The following KLC1 variants were observed in gnomAD, a reference collection of about 807,000 sequenced individuals.
KLC1 encodes the protein kinesin light chain 1.
A neutral mutation model predicts 84.2 loss-of-function variants in KLC1; 30 were observed. That is an observed-to-expected ratio of 0.36 (90% CI 0.27 to 0.48). The LOEUF is 0.48. KLC1 is among the 20% of genes least tolerant of loss of function. KLC1 has a pLI of 0.99. For synonymous variants in KLC1, 289 were observed against 293.3 expected (o/e 0.99, Z 0.15); for missense variants, 499 against 805.4 (o/e 0.62, Z 4.60).
Position 103,654,544 on chromosome 14 carries a change from TTTTTC to T in KLC1, c.-1-15_-1-11del. 1 of 1,564,808 alleles carries T rather than the reference TTTTTC, an allele frequency of 6.4e-7. No individual in the cohort carries two copies. Among genetic ancestry groups the T allele is most frequent in the Non-Finnish European group, 8.6e-7 (1 of 1,158,414 alleles). ...AACCTGTAATGAGGGATCTAATTTC[TTTTTC>T]TTTTTTCATTCCAGAATGTATGACA... On this transcript the variant is annotated splice_polypyrimidine_tract_variant and intron_variant, in intron 1 of 16. Coordinates refer to ENST00000334553, the MANE Select transcript of KLC1 (RefSeq NM_001394837.1).
At chr14:103,674,451 G>T (rs1185246811) in intron 9 of KLC1, among the ~76,000 whole-genome samples, 3 of 147,512 alleles carry the variant, frequency 2.0e-5, no homozygotes, top group Admixed American at 1.4e-4. Flanking sequence ...TTTCGTTCTT[G>T]TTGCCCAGGC....
intron 13 of KLC1, chr14:103,683,481 C>G (rs2151798983): frequency 6.6e-6 from 1 of 152,354 alleles, no homozygotes; most frequent in East Asian, 1.9e-4. Flanking sequence ...ACTGGGTCTT[C>G]TATAACTGCT....
intron 13 of KLC1, chr14:103,686,026 G>C: frequency 9.5e-7 from 1 of 1,057,186 alleles, no homozygotes; most frequent in African/African-American, 1.7e-5. Flanking sequence ...AGCAAGGCAT[G>C]TGCCGCACGT....
intron 9 of KLC1, among the ~76,000 whole-genome samples, chr14:103,673,847 C>T (rs139449007): frequency 1.3e-5 from 2 of 151,904 alleles, no homozygotes; most frequent in African/African-American, 2.4e-5. Flanking sequence ...GGCGTGAACC[C>T]GGGAGGCGGA....
intron 1 of KLC1, among the ~76,000 whole-genome samples, chr14:103,651,246 G>A (rs2078414508): frequency 6.6e-6 from 1 of 152,142 alleles, no homozygotes. Flanking sequence ...TTGACCTCGT[G>A]ATCCGCCAGC....
At chr14:103,667,789 C>A (rs1188299998) in intron 5 of KLC1, among the ~76,000 whole-genome samples, 1 of 152,198 alleles carries the variant, frequency 6.6e-6, no homozygotes, top group Non-Finnish European at 1.5e-5. Flanking sequence ...GCCTTATTAA[C>A]CTTTCTCACG....
intron 15 of KLC1, 47 bp from the exon 16 acceptor site, chr14:103,700,608 G>C: frequency 8.5e-6 from 13 of 1,520,520 alleles, no homozygotes; most frequent in Non-Finnish European, 1.2e-5. Context: ...GACGCCTGAG[G>C]GCCGCCTGCA....
chr14:103,654,527 A>G (rs2151491545), intron 1 of KLC1, 37 bp from the exon 2 acceptor site: 2 of 1,542,522 alleles, frequency 1.3e-6, no homozygotes, highest in Non-Finnish European at 1.7e-6. Context: ...GAAACCTGTA[A>G]TGAGGGATCT....
intron 5 of KLC1, 59 bp from the exon 6 acceptor site, chr14:103,669,448 AAAAG>A: frequency 4.9e-6 from 5 of 1,021,870 alleles, no homozygotes; most frequent in Non-Finnish European, 7.6e-6. Flanking sequence ...AAAAGAAAAG[AAAAG>A]AAAAGAAAAG....
chr14:103,643,185 A>G (rs1409715451), intron 1 of KLC1, among the ~76,000 whole-genome samples: 1 of 152,260 alleles, frequency 6.6e-6, no homozygotes, highest in Non-Finnish European at 1.5e-5. Context: ...AGAGACAAAG[A>G]ATAGACTGAT....
At chr14:103,667,781 C>G (rs150097136) in intron 5 of KLC1, among the ~76,000 whole-genome samples, 1 of 152,162 alleles carries the variant, frequency 6.6e-6, no homozygotes, top group Non-Finnish European at 1.5e-5. Flanking sequence ...TTGTAGAAGC[C>G]TTATTAACCT....
chr14:103,694,661 A>T lies in KLC1; in HGVS notation c.1848+2236A>T. On this transcript the variant is annotated intron_variant, in intron 15 of 16. Transcript: ENST00000334553. This position sits in a 1 kb window ranked among gnomAD's most constrained non-coding sequence, Gnocchi z 4.5. ...CACCTCCATGCCAGCCAACTAGGCT[A>T]CGGGATGGAGGGGCGGTCTGTGAAA... The T allele has an allele frequency of 1.0e-6, 1 of 985,448 alleles. No individual in the cohort carries two copies. Among genetic ancestry groups the T allele is most frequent in the Non-Finnish European group, 1.2e-6 (1 of 829,920 alleles). The allele number at this position is 985,448 out of a possible 1,614,324, so 61.0% of individuals were successfully genotyped here. A position where few individuals can be genotyped will look rare whatever the true frequency, so the allele number is the denominator to read the frequency against.
chr14:103,686,599 C>T (rs2081793779), intron 13 of KLC1: 1 of 152,242 alleles, frequency 6.6e-6, no homozygotes, highest in East Asian at 1.9e-4. Flanking sequence ...GAAACAGTAC[C>T]TCCAACTATT....
intron 1 of KLC1, among the ~76,000 whole-genome samples, chr14:103,631,876 G>C (rs1023367492): frequency 6.6e-6 from 1 of 152,062 alleles, no homozygotes; most frequent in Non-Finnish European, 1.5e-5. Flanking sequence ...TAGGGTTACA[G>C]GTGTGAGCCA....
intron 13 of KLC1, chr14:103,686,275 A>C: frequency 1.0e-6 from 1 of 960,028 alleles, no homozygotes; most frequent in Non-Finnish European, 1.2e-6. Flanking sequence ...CTCTTTATCC[A>C]TGAAACGCCG....
chr14:103,670,292 G>T lies in KLC1; in HGVS notation c.987+9G>T. ...TGGAAATCCGAGAAAAGGTACAAAA[G>T]AAGGGGGCAGTCGTTTTCTTTGAGA... On this transcript the variant is annotated intron_variant, in intron 7 of 16. Transcript: ENST00000334553. 6.3e-7 allele frequency: 1 copy of T among 1,593,114 alleles called. No individual in the cohort carries two copies. The highest frequency in any genetic ancestry group is 8.6e-7 in the Non-Finnish European group (1 of 1,164,142).
chr14:103,699,605 T>C, intron 15 of KLC1: 1 of 1,611,434 alleles, frequency 6.2e-7, no homozygotes, highest in Non-Finnish European at 8.5e-7. Flanking sequence ...TTGTCTATGC[T>C]GGTCAGCAAG....
rs534627194 is a variant in KLC1 at position 103,672,744 on chromosome 14, C to A, written c.988-270C>A. Among the ~76,000 whole-genome samples the A allele has an allele frequency of 5.9e-5, 9 of 152,180 alleles. No individual in the cohort carries two copies. In the East Asian group the frequency reaches 1.7e-3, roughly 29 times the overall value. ...ATTTGTACATAGTACAACCAATGTA[C>A]AAAAATATAACTACCATGAAGGATT... On this transcript the variant is annotated intron_variant, in intron 7 of 16. Coordinates refer to ENST00000334553, the MANE Select transcript of KLC1 (RefSeq NM_001394837.1).
In KLC1 at chr14:103,699,242, G is replaced by A. The variant is rs1026835746; in HGVS notation, c.1849-1413G>A. Reference sequence around the variant, plus strand: ...GGGTCTTCTCGATGGTTAGGCACAGGCTGCTACCCGCAGGAGCCGGAGGCC... The same window carrying A: ...GGGTCTTCTCGATGGTTAGGCACAGACTGCTACCCGCAGGAGCCGGAGGCC... On this transcript the variant is annotated intron_variant, in intron 15 of 16. Coordinates refer to ENST00000334553, the MANE Select transcript of KLC1 (RefSeq NM_001394837.1). 34 of 1,540,384 alleles carry A rather than the reference G, an allele frequency of 2.2e-5. 1 individual carries two copies. In the Middle Eastern group the frequency reaches 2.0e-3, roughly 91 times the overall value.
Sources: gnomAD v4.1 joint callset for allele counts (sites outside exome capture counted in the v4.1 genomes callset) on GRCh38, gnomAD v4.1.1 for gene constraint, Gnocchi (gnomAD v3.1) non-coding constraint, MANE v1.5 for transcripts, NCBI Gene and HGNC (gene_info 2026-07-23, HGNC 2026-07-21) for gene names.